Variants in RAD51B observed in about 807,000 individuals in gnomAD.
The protein encoded by RAD51B is DNA repair protein RAD51 homolog 2.
RAD51B carries 38 observed loss-of-function variants against 42.2 expected under a neutral mutation model. That is an observed-to-expected ratio of 0.90 (90% CI 0.70 to 1.18). The LOEUF (loss-of-function observed/expected upper bound fraction) is 1.18, where lower values mean the gene tolerates loss of function less well. Ranked by LOEUF, RAD51B falls within the 50% of genes most tolerant of loss-of-function variation. The pLI is 0.00. For synonymous variants in RAD51B, 154 were observed against 145.2 expected (o/e 1.06, Z -0.43); for missense variants, 373 against 400.7 (o/e 0.93, Z 0.59).
Position 68,399,459 on chromosome 14 carries a change from G to A in RAD51B, c.854-11965G>A, listed in dbSNP as rs574096290. ...GTTTTGGTAGAGATGGGGTTTCACC[G>A]TGTTAGCCAGGATGGCCTCCATCTC... On this transcript the variant is annotated intron_variant, in intron 8 of 10. Coordinates refer to ENST00000471583, the MANE Select transcript of RAD51B (RefSeq NM_133510.4). Among the ~76,000 whole-genome samples, 11 of 152,066 alleles carry A rather than the reference G, an allele frequency of 7.2e-5. 1 individual carries two copies. Among genetic ancestry groups the A allele is most frequent in the Admixed American group, 2.0e-4 (3 of 15,276 alleles).
chr14:68,217,489 C>T (rs1313645668), intron 7 of RAD51B, among the ~76,000 whole-genome samples: 1 of 152,106 alleles, frequency 6.6e-6, no homozygotes, highest in Non-Finnish European at 1.5e-5. Context: ...GTGCATGGTC[C>T]AGGGGAAGTG....
intron 5 of RAD51B, among the ~76,000 whole-genome samples, chr14:67,874,338 G>A (rs995783636): frequency 7.2e-5 from 11 of 152,168 alleles, no homozygotes; most frequent in East Asian, 5.8e-4. Flanking sequence ...CCCACAGCCC[G>A]TGGGCCGCAT....
intron 10 of RAD51B, among the ~76,000 whole-genome samples, chr14:68,486,671 C>G (rs1883648977): frequency 6.6e-6 from 1 of 152,236 alleles, no homozygotes; most frequent in Non-Finnish European, 1.5e-5. Context: ...ACTGTTTAAG[C>G]TGGACTCAGG....
chr14:68,088,944 CTG>C (rs143767986), intron 7 of RAD51B, among the ~76,000 whole-genome samples: 1,569 of 152,240 alleles, frequency 0.01, 31 homozygotes, highest in African/African-American at 0.036. Flanking sequence ...GTTTAAAAGT[CTG>C]TGGAGGGATC....
intron 10 of RAD51B, chr14:68,563,345 C>G: frequency 1.0e-6 from 1 of 985,448 alleles, no homozygotes; most frequent in South Asian, 4.7e-5. Context: ...CCAGCTCAGC[C>G]TGCCAGGCCT....
intron 7 of RAD51B, among the ~76,000 whole-genome samples, chr14:68,061,308 A>G (rs1320598442): frequency 6.6e-6 from 1 of 152,014 alleles, no homozygotes. Context: ...GCCTCAAATG[A>G]TCCACCCACC....
intron 7 of RAD51B, among the ~76,000 whole-genome samples, chr14:68,152,710 C>G (rs1440213211): frequency 7.4e-6 from 1 of 134,814 alleles, no homozygotes; most frequent in African/African-American, 2.9e-5. Context: ...AGGTACTAAG[C>G]TTAGTACCCA....
chr14:68,331,385 A>AAAAAAAAAAAAAAAAAAAAAAAAG (rs2082348143), intron 8 of RAD51B, among the ~76,000 whole-genome samples: 1 of 147,268 alleles, frequency 6.8e-6, no homozygotes, highest in Non-Finnish European at 1.5e-5. Context: ...AAAAAAAAAA[A>AAAAAAAAAAAAAAAAAAAAAAAAG]GCAATGGTGT....
Position 68,251,283 on chromosome 14 carries a change from C to G in RAD51B, c.757-40601C>G, listed in dbSNP as rs148054752. Among the ~76,000 whole-genome samples, 8 of 152,242 alleles carry G rather than the reference C, an allele frequency of 5.3e-5. No individual in the cohort carries two copies. The East Asian group carries it at 1.5e-3, about 29-fold the overall frequency. On this transcript the variant is annotated intron_variant, in intron 7 of 10. Coordinates refer to ENST00000471583, the MANE Select transcript of RAD51B (RefSeq NM_133510.4). ...CTGACTCTTTGCAAGGTATAATTTACCATTGTGCTCCTCCCTCCTGAGTTT... is the reference window on the plus strand; with the variant it reads ...CTGACTCTTTGCAAGGTATAATTTAGCATTGTGCTCCTCCCTCCTGAGTTT...
At chr14:68,363,852 G>C (rs889637051) in intron 8 of RAD51B, among the ~76,000 whole-genome samples, 2 of 152,136 alleles carry the variant, frequency 1.3e-5, no homozygotes, top group African/African-American at 4.8e-5. Context: ...GTGTAGGCTG[G>C]AAGTCGTATC....
intron 5 of RAD51B, among the ~76,000 whole-genome samples, chr14:67,884,679 T>C (rs34835361): frequency 6.6e-6 from 1 of 152,336 alleles, no homozygotes; most frequent in East Asian, 1.9e-4. Flanking sequence ...GCTCTTTTCC[T>C]GGATGGTTAT....
chr14:68,152,544 C>T (rs76962157), intron 7 of RAD51B, among the ~76,000 whole-genome samples: 2,381 of 152,176 alleles, frequency 0.016, 67 homozygotes, highest in African/African-American at 0.052. Context: ...TAAAAAGATA[C>T]GCCTCAGATG....
At position 67,819,861 on chromosome 14, in the gene RAD51B, A is replaced by G. The variant is rs564415270; in HGVS notation, c.-3+8A>G. On this transcript the variant is annotated splice_region_variant and intron_variant, in intron 1 of 10. Coordinates refer to ENST00000471583, the MANE Select transcript of RAD51B (RefSeq NM_133510.4). The stretch of plus-strand genomic sequence containing the variant: ...TTGGATGCTGCAGACCCGGTACTGG[A>G]AAGTTTCATGTGGGGTGCCGTTGTG... 4.6e-4 allele frequency: 70 copies of G among 152,224 alleles called. No homozygotes were observed. Among genetic ancestry groups the G allele is most frequent in the African/African-American group, 1.6e-3 (66 of 41,472 alleles). The allele number at this position is 152,224 out of a possible 1,614,324, so 9.4% of individuals were successfully genotyped here. A position where few individuals can be genotyped will look rare whatever the true frequency, so the allele number is the denominator to read the frequency against.
chr14:68,348,252 C>G (rs1293480474), intron 8 of RAD51B, among the ~76,000 whole-genome samples: 3 of 152,140 alleles, frequency 2.0e-5, no homozygotes, highest in African/African-American at 7.2e-5. Flanking sequence ...CTTTGCAAAG[C>G]ACAAACAATT....
intron 7 of RAD51B, among the ~76,000 whole-genome samples, chr14:68,225,780 A>G (rs1194832669): frequency 6.6e-6 from 1 of 152,212 alleles, no homozygotes; most frequent in Non-Finnish European, 1.5e-5. Context: ...TTAGCGGAAC[A>G]CAGTGACCAG....
chr14:68,133,348 G>A (rs1336954090), intron 7 of RAD51B, among the ~76,000 whole-genome samples: 1 of 152,168 alleles, frequency 6.6e-6, no homozygotes, highest in Non-Finnish European at 1.5e-5. Context: ...TGAGGATAGA[G>A]GAAAATGTTT....
intron 8 of RAD51B, among the ~76,000 whole-genome samples, chr14:68,322,071 C>G (rs575701643): frequency 6.6e-6 from 1 of 152,294 alleles, no homozygotes; most frequent in African/African-American, 2.4e-5. Flanking sequence ...CTGCGCCCAA[C>G]ACAATGACTT....
At chr14:67,891,519 A>G (rs2043218315) in intron 7 of RAD51B, among the ~76,000 whole-genome samples, 1 of 152,172 alleles carries the variant, frequency 6.6e-6, no homozygotes, top group Non-Finnish European at 1.5e-5. Flanking sequence ...TAAATCATTA[A>G]CAAATGGAAA....
At chr14:68,060,951 A>G (rs549851619) in intron 7 of RAD51B, among the ~76,000 whole-genome samples, 1 of 151,530 alleles carries the variant, frequency 6.6e-6, no homozygotes, top group South Asian at 2.1e-4. Flanking sequence ...TTTTTGTGTC[A>G]GTACCATGCT....
Sources: allele counts gnomAD v4.1 joint callset (sites outside exome capture counted in the v4.1 genomes callset), GRCh38; gene constraint gnomAD v4.1.1; transcripts MANE v1.5; gene names NCBI Gene and HGNC (gene_info 2026-07-23, HGNC 2026-07-21).